The following CD38 variants were observed in gnomAD, a reference collection of about 807,000 sequenced individuals.
CD38 encodes the protein CD38 molecule, also known as ADP-ribosyl cyclase/cyclic ADP-ribose hydrolase 1.
In CD38, 31 loss-of-function variants were observed where a neutral mutation model predicts 36.3. That is an observed-to-expected ratio of 0.85 (90% CI 0.64 to 1.15). The LOEUF (loss-of-function observed/expected upper bound fraction) is 1.15. CD38 is among the 50% of genes most tolerant of loss of function. The pLI is 0.00. For missense variants in CD38, 380 were observed against 371.9 expected, an observed-to-expected ratio of 1.02 and a Z score of -0.18; for synonymous variants, 131 against 135.2, an observed-to-expected ratio of 0.97 and a Z score of 0.22.
chr4:15,798,475 C>T (rs561058950), intron 1 of CD38, among the ~76,000 whole-genome samples: 2 of 152,316 alleles, frequency 1.3e-5, no homozygotes, highest in South Asian at 4.1e-4. Flanking sequence ...CTAGGCTTCT[C>T]CTTAAATTTC....
Position 15,778,980 on chromosome 4 carries a change from G to C in CD38, c.233+333G>C, listed in dbSNP as rs901725587. On this transcript the variant is annotated intron_variant, in intron 1 of 7. Coordinates refer to ENST00000226279, the MANE Select transcript of CD38 (RefSeq NM_001775.4). This position sits in a 1 kb window ranked among gnomAD's most constrained non-coding sequence, Gnocchi z 4.9. ...CCTCGCCGGGCTGCAGCCCACCCTC[G>C]GCGCGCTCAGCCCGCTTCACCGCTT... Among the ~76,000 whole-genome samples, 3 of 152,186 alleles carry C rather than the reference G, an allele frequency of 2.0e-5. No homozygotes were observed. Among genetic ancestry groups the C allele is most frequent in the Non-Finnish European group, 4.4e-5 (3 of 68,020 alleles).
intron 4 of CD38, among the ~76,000 whole-genome samples, chr4:15,837,332 C>T (rs1724090391): frequency 6.6e-6 from 1 of 152,038 alleles, no homozygotes; most frequent in African/African-American, 2.4e-5. Flanking sequence ...TTTCTGATAA[C>T]AGAGGCCATG....
chr4:15,788,715 A>G (rs531024635), intron 1 of CD38, among the ~76,000 whole-genome samples: 1 of 152,242 alleles, frequency 6.6e-6, no homozygotes, highest in East Asian at 1.9e-4. Context: ...GCTCATCACA[A>G]TTTAACATCA....
intron 5 of CD38, among the ~76,000 whole-genome samples, chr4:15,839,492 C>T (rs1192121947): frequency 4.2e-5 from 6 of 143,562 alleles, no homozygotes; most frequent in African/African-American, 1.3e-4. Flanking sequence ...GACACGGTCT[C>T]CGCTCACTGC....
intron 1 of CD38, among the ~76,000 whole-genome samples, chr4:15,809,494 C>T (rs1560312345): frequency 1.3e-5 from 2 of 152,182 alleles, no homozygotes; most frequent in African/African-American, 2.4e-5. Flanking sequence ...TTTAGAAATT[C>T]TTGGTTCTGG....
At chr4:15,786,836 G>A (rs1478690338) in intron 1 of CD38, among the ~76,000 whole-genome samples, 3 of 152,218 alleles carry the variant, frequency 2.0e-5, no homozygotes, top group Admixed American at 6.5e-5. Flanking sequence ...GGAGGGTGGG[G>A]GGAGGCTCAG....
chr4:15,809,740 C>T (rs781278905), intron 1 of CD38, among the ~76,000 whole-genome samples: 6 of 152,140 alleles, frequency 3.9e-5, no homozygotes, highest in South Asian at 2.1e-4. Context: ...CACCCCTAGA[C>T]GTCTCCTGAT....
At chr4:15,792,458 G>GAAAAAAAAAAAAA (rs1249314137) in intron 1 of CD38, among the ~76,000 whole-genome samples, 1 of 129,196 alleles carries the variant, frequency 7.7e-6, no homozygotes, top group Non-Finnish European at 1.6e-5. Context: ...AATGAATCAA[G>GAAAAAAAAAAAAA]AAAAAAAAAG....
intron 4 of CD38, among the ~76,000 whole-genome samples, chr4:15,835,915 T>G (rs1401898159): frequency 6.6e-6 from 1 of 152,194 alleles, no homozygotes; most frequent in Non-Finnish European, 1.5e-5. Context: ...ATTTATCTTG[T>G]AAGTTGCTTC....
intron 7 of CD38, 29 bp from the exon 8 acceptor site, chr4:15,848,510 T>C: frequency 6.3e-7 from 1 of 1,585,302 alleles, no homozygotes; most frequent in South Asian, 1.1e-5. Context: ...TACGGTCTCT[T>C]GATTTCCTTT....
rs1395067407 is a variant in CD38, at chr4:15,849,636, A to G, written c.*1034A>G. ...ATTTTCTCTCTTTTTTCATGGATTA[A>G]CCTTGCTTGAGGGCTTTAACAATTG... On this transcript the variant is annotated 3_prime_UTR_variant, in exon 8 of 8. Coordinates refer to ENST00000226279, the MANE Select transcript of CD38 (RefSeq NM_001775.4). 6.6e-6 allele frequency: 1 copy of G among 152,140 alleles called. No homozygotes were observed. Among genetic ancestry groups the G allele is most frequent in the Non-Finnish European group, 1.5e-5 (1 of 68,038 alleles). 9.4% of individuals were successfully genotyped at this position (152,140 alleles called of 1,614,324 possible).
intron 2 of CD38, among the ~76,000 whole-genome samples, chr4:15,821,473 T>C (rs778651974): frequency 5.5e-4 from 82 of 150,376 alleles, no homozygotes; most frequent in Admixed American, 4.0e-4. Context: ...TAGAGAAGAA[T>C]CAGATAGATA....
At chr4:15,783,223 G>T (rs1400478918) in intron 1 of CD38, among the ~76,000 whole-genome samples, 2 of 152,188 alleles carry the variant, frequency 1.3e-5, no homozygotes, top group Admixed American at 1.3e-4. Context: ...CCAGTGTCTG[G>T]TGATAGTCAG....
At chr4:15,823,623 C>G (rs1251560107) in intron 2 of CD38, among the ~76,000 whole-genome samples, 2 of 151,822 alleles carry the variant, frequency 1.3e-5, no homozygotes, top group African/African-American at 2.4e-5. Context: ...ACCACAATCT[C>G]ATGCCAGTCA....
At chr4:15,786,006 C>CCTTCCTCCCATCT (rs1722814282) in intron 1 of CD38, among the ~76,000 whole-genome samples, 3 of 150,928 alleles carry the variant, frequency 2.0e-5, no homozygotes, top group Non-Finnish European at 4.4e-5. Context: ...TGGAGTTGTT[C>CCTTCCTCCCATCT]GTTCCTCCCA....
chr4:15,834,998 A>C (rs1038706283), intron 4 of CD38, among the ~76,000 whole-genome samples: 2 of 152,160 alleles, frequency 1.3e-5, no homozygotes, highest in African/African-American at 4.8e-5. Flanking sequence ...GGTAATTAAC[A>C]TATCTGTCAT....
At chr4:15,803,831 G>C (rs1252760009) in intron 1 of CD38, among the ~76,000 whole-genome samples, 1 of 152,008 alleles carries the variant, frequency 6.6e-6, no homozygotes. Context: ...ACTCCCCAGT[G>C]CCTAGCATTC....
rs1230401623 is a variant in CD38 at position 15,848,720 on chromosome 4, C to G, written c.*118C>G. 37 of 694,332 alleles carry G rather than the reference C, an allele frequency of 5.3e-5. No individual in the cohort carries two copies. The East Asian group carries it at 9.7e-4, about 18-fold the overall frequency. The allele number at this position is 694,332 out of a possible 1,614,324, so 43.0% of individuals were successfully genotyped here. ...TTTGGAGGGTCCTCCACAATAAGGT[C>G]AATGCCAGAGACGGAAGCCTTTTTC... On this transcript the variant is annotated 3_prime_UTR_variant, in exon 8 of 8. Coordinates refer to ENST00000226279, the MANE Select transcript of CD38 (RefSeq NM_001775.4).
chr4:15,802,456 C>A (rs1170790802), intron 1 of CD38, among the ~76,000 whole-genome samples: 5 of 151,704 alleles, frequency 3.3e-5, no homozygotes, highest in African/African-American at 1.2e-4. Context: ...TTGTTAGGAA[C>A]CATAAAAGAC....
Sources: allele counts gnomAD v4.1 joint callset (sites outside exome capture counted in the v4.1 genomes callset), GRCh38; gene constraint gnomAD v4.1.1; non-coding constraint Gnocchi (gnomAD v3.1); transcripts MANE v1.5; gene names NCBI Gene and HGNC (gene_info 2026-07-23, HGNC 2026-07-21).